The following MYO1H variants were observed in gnomAD, a reference collection of about 807,000 sequenced individuals.
MYO1H encodes the protein unconventional myosin-Ih.
MYO1H carries 118 observed loss-of-function variants against 149.3 expected under a neutral mutation model. That is an observed-to-expected ratio of 0.79 (90% CI 0.68 to 0.92). MYO1H has a LOEUF of 0.92. MYO1H is among the 40% of genes least tolerant of loss of function. The pLI is 0.00. For missense variants in MYO1H, 1,212 were observed against 1,280.7 expected, an observed-to-expected ratio of 0.95 and a Z score of 0.82; for synonymous variants, 447 against 465.2, an observed-to-expected ratio of 0.96 and a Z score of 0.50.
At chr12:109,319,812 CA>C in the MYO1H span, among the ~76,000 whole-genome samples, 2 of 152,064 alleles carry the variant, frequency 1.3e-5, no homozygotes, top group Admixed American at 1.3e-4. Context: ...TCATAACGAG[CA>C]AAACTACCTC....
At chr12:109,435,186 AACACGG>A in intron 21 of MYO1H, 73 bp downstream of exon 21, 4 of 1,001,250 alleles carry the variant, frequency 4.0e-6, no homozygotes, top group Non-Finnish European at 6.0e-6. Flanking sequence ...GTAAATCTTA[AACACGG>A]GTGTTTGATA....
At position 109,416,379 on chromosome 12, in the gene MYO1H, G is replaced by GTT. The variant is rs397968119; in HGVS notation, c.1597+771_1597+772dup. 5.4e-3 allele frequency among the ~76,000 whole-genome samples: 766 copies of GTT among 143,124 alleles called. 9 individuals carry two copies. The highest frequency in any genetic ancestry group is 0.015 in the African/African-American group (561 of 38,648). The allele number at this position is 143,124 out of a possible 152,430, so 93.9% of individuals were successfully genotyped here. A position where few individuals can be genotyped will look rare whatever the true frequency, so the allele number is the denominator to read the frequency against. On this transcript the variant is annotated intron_variant, in intron 15 of 31. Coordinates refer to ENST00000310903, the Ensembl canonical transcript of MYO1H. Reference sequence around the variant, plus strand: ...TCTATAGATTTGACTGTTGTTGTTGGTTTTTTTTTTTTTGACATTTTTTAT... The same window carrying GTT: ...TCTATAGATTTGACTGTTGTTGTTGGTTTTTTTTTTTTTTTGACATTTTTTAT...
chr12:109,425,527 G>A (rs774717294), intron 17 of MYO1H, among the ~76,000 whole-genome samples: 21 of 152,134 alleles, frequency 1.4e-4, no homozygotes, highest in Non-Finnish European at 2.4e-4. Context: ...TGCCCTCAAG[G>A]GACTTACAAT....
At chr12:109,337,244 A>G in the MYO1H span, among the ~76,000 whole-genome samples, 1 of 152,192 alleles carries the variant, frequency 6.6e-6, no homozygotes, top group Non-Finnish European at 1.5e-5. Context: ...GAATTGAAAC[A>G]TTTGAAAGAT....
At chr12:109,415,544 A>G (rs73194218) in exon 15 of MYO1H, 92,587 of 1,606,414 alleles carry the variant, frequency 0.058, 3,005 homozygotes, top group Non-Finnish European at 0.065. Context: ...TGGCTGGTCC[A>G]AAGGGCCGAA....
intron 1 of MYO1H, among the ~76,000 whole-genome samples, chr12:109,349,653 T>A (rs1868411948): frequency 9.0e-6 from 1 of 111,188 alleles, no homozygotes. Context: ...TCTGAAACCC[T>A]GTCTCAAAAA....
At chr12:109,408,796 TTA>T (rs1281088024) in intron 10 of MYO1H, among the ~76,000 whole-genome samples, 8 of 151,396 alleles carry the variant, frequency 5.3e-5, no homozygotes, top group Admixed American at 1.3e-4. Context: ...TATCTCTTTT[TTA>T]TTTTTTTTTG....
At chr12:109,345,885 T>A (rs10850060), upstream of MYO1H, among the ~76,000 whole-genome samples, 1 of 152,034 alleles carries the variant, frequency 6.6e-6, no homozygotes, top group African/African-American at 2.4e-5. Context: ...TCATATGAAA[T>A]GTCCATGATA....
At chr12:109,379,681 A>G (rs1480077811) in intron 1 of MYO1H, among the ~76,000 whole-genome samples, 2 of 151,674 alleles carry the variant, frequency 1.3e-5, no homozygotes, top group African/African-American at 4.8e-5. Flanking sequence ...ACAAATCTAC[A>G]TGTAAATTGC....
chr12:109,352,094 C>T (rs184640132), intron 1 of MYO1H, among the ~76,000 whole-genome samples: 1 of 152,126 alleles, frequency 6.6e-6, no homozygotes, highest in Admixed American at 6.6e-5. Context: ...GAAGATGAAG[C>T]CTTTTTTCTC....
chr12:109,350,929 G>A (rs1175046925), intron 1 of MYO1H, among the ~76,000 whole-genome samples: 1 of 152,068 alleles, frequency 6.6e-6, no homozygotes, highest in African/African-American at 2.4e-5. Flanking sequence ...AAATAATGCT[G>A]GTACAATGTG....
At chr12:109,351,287 A>G (rs987241577) in intron 1 of MYO1H, among the ~76,000 whole-genome samples, 10 of 152,148 alleles carry the variant, frequency 6.6e-5, no homozygotes, top group African/African-American at 2.4e-4. Flanking sequence ...TTACCGTAAA[A>G]ACTCTTATGC....
chr12:109,363,127 A>G (rs1293085729), intron 1 of MYO1H, among the ~76,000 whole-genome samples: 1 of 152,208 alleles, frequency 6.6e-6, no homozygotes, highest in Non-Finnish European at 1.5e-5. Flanking sequence ...TAATATGCCC[A>G]TATCGGCATG....
intron 16 of MYO1H, among the ~76,000 whole-genome samples, chr12:109,422,893 G>A (rs1871233285): frequency 6.6e-6 from 1 of 151,948 alleles, no homozygotes; most frequent in Non-Finnish European, 1.5e-5. Flanking sequence ...GGACAACATG[G>A]TGAAACCCCA....
chr12:109,396,814 G>GGTT (rs768139076), intron 4 of MYO1H, among the ~76,000 whole-genome samples: 2 of 51,088 alleles, frequency 3.9e-5, no homozygotes, highest in Non-Finnish European at 8.0e-5. Flanking sequence ...TTTTGGTTTC[G>GGTT]TTTTTTTTTT....
chr12:109,333,464 G>A, the MYO1H span, among the ~76,000 whole-genome samples: 1 of 152,004 alleles, frequency 6.6e-6, no homozygotes, highest in Non-Finnish European at 1.5e-5. Context: ...CTTCTCCATA[G>A]GCACCAGTCT....
At chr12:109,398,018 A>G (rs1869988459) in intron 5 of MYO1H, among the ~76,000 whole-genome samples, 1 of 152,226 alleles carries the variant, frequency 6.6e-6, no homozygotes, top group Non-Finnish European at 1.5e-5. Flanking sequence ...CAAAAACTAA[A>G]AAGTCTGATC....
chr12:109,398,938 G>C (rs566539810), intron 5 of MYO1H, among the ~76,000 whole-genome samples: 9 of 152,120 alleles, frequency 5.9e-5, no homozygotes, highest in African/African-American at 2.2e-4. Flanking sequence ...TGGACAATGC[G>C]TAAGTGAATG....
At chr12:109,428,214 G>T (rs1298415620) in intron 19 of MYO1H, among the ~76,000 whole-genome samples, 1 of 151,954 alleles carries the variant, frequency 6.6e-6, no homozygotes, top group Non-Finnish European at 1.5e-5. Context: ...CCACCAGGGG[G>T]CAGCCGTGGG....
Sources: allele counts gnomAD v4.1 joint callset (sites outside exome capture counted in the v4.1 genomes callset), GRCh38; gene constraint gnomAD v4.1.1; transcripts MANE v1.5; gene names NCBI Gene and HGNC (gene_info 2026-07-23, HGNC 2026-07-21).